Variants in IPO11 observed in about 807,000 individuals in gnomAD.
The protein encoded by IPO11 is importin-11.
In IPO11, 66 loss-of-function variants were observed where a neutral mutation model predicts 143.2. That is an observed-to-expected ratio of 0.46 (90% CI 0.38 to 0.57). The LOEUF (loss-of-function observed/expected upper bound fraction) is 0.57, where lower values mean the gene tolerates loss of function less well. IPO11 is among the 20% of genes least tolerant of loss of function. The probability of loss-of-function intolerance (pLI) is 0.00; values close to 1 mark genes in which losing one functional copy is unlikely to be tolerated. For missense variants in IPO11, 1,026 were observed against 1,141.0 expected, an observed-to-expected ratio of 0.90 and a Z score of 1.45; for synonymous variants, 385 against 377.8, an observed-to-expected ratio of 1.02 and a Z score of -0.22.
At position 62,439,723 on chromosome 5, in the gene IPO11, G is replaced by T. The variant is rs769734004; in HGVS notation, c.138+2306G>T. Reference sequence around the variant, plus strand: ...TTACCTGTAATTTTCTTCTTAGAGGGATATAACATTTCTTTTAGATGGAAC... The same window carrying T: ...TTACCTGTAATTTTCTTCTTAGAGGTATATAACATTTCTTTTAGATGGAAC... On this transcript the variant is annotated intron_variant, in intron 2 of 29. Coordinates refer to ENST00000325324, the MANE Select transcript of IPO11 (RefSeq NM_016338.5). Among the ~76,000 whole-genome samples the T allele has an allele frequency of 7.0e-4, 107 of 151,932 alleles. 2 individuals carry two copies. The highest frequency in any genetic ancestry group is 6.5e-4 in the Non-Finnish European group (44 of 68,006).
At chr5:62,624,617 T>C (rs1378073129) in intron 29 of IPO11, among the ~76,000 whole-genome samples, 2 of 152,140 alleles carry the variant, frequency 1.3e-5, no homozygotes, top group Non-Finnish European at 2.9e-5. Context: ...TCTCATCTTA[T>C]GACTTAGAAT....
At chr5:62,517,329 A>C (rs1561345323) in intron 20 of IPO11, among the ~76,000 whole-genome samples, 1 of 152,202 alleles carries the variant, frequency 6.6e-6, no homozygotes, top group South Asian at 2.1e-4. Context: ...CTATCTTGTG[A>C]ATGCATTTAT....
intron 27 of IPO11, among the ~76,000 whole-genome samples, chr5:62,582,191 A>G (rs1744593647): frequency 1.3e-5 from 2 of 152,202 alleles, no homozygotes; most frequent in Admixed American, 6.5e-5. Context: ...TTCTGGAAGG[A>G]ACAATAAAAC....
intron 27 of IPO11, chr5:62,581,492 A>G (rs1744563804): frequency 1.8e-6 from 1 of 541,462 alleles, no homozygotes; most frequent in Non-Finnish European, 3.2e-6. Flanking sequence ...TTTGATATAT[A>G]CTGTATTAAG....
At chr5:62,595,852 T>G (rs1367866770) in intron 28 of IPO11, among the ~76,000 whole-genome samples, 2 of 152,100 alleles carry the variant, frequency 1.3e-5, no homozygotes, top group Non-Finnish European at 1.5e-5. Flanking sequence ...TGCTTTCTGC[T>G]TGTCTGGTTA....
At chr5:62,437,161 T>G in intron 1 of IPO11, 113 bp from the exon 2 acceptor site, 1 of 699,958 alleles carries the variant, frequency 1.4e-6, no homozygotes, top group Non-Finnish European at 2.3e-6. Flanking sequence ...ACATGAAGGA[T>G]TAGATGAATG....
intron 3 of IPO11, among the ~76,000 whole-genome samples, chr5:62,449,379 T>C (rs1202452782): frequency 6.6e-6 from 1 of 152,238 alleles, no homozygotes; most frequent in Non-Finnish European, 1.5e-5. Flanking sequence ...TTTAAGCTAG[T>C]TGATTTCTGA....
At chr5:62,442,843 G>A (rs560167727) in intron 2 of IPO11, 140 bp from the exon 3 acceptor site, 6 of 461,418 alleles carry the variant, frequency 1.3e-5, no homozygotes, top group African/African-American at 2.1e-5. Context: ...CAGCCTGGGC[G>A]ACGAGAGTGA....
intron 7 of IPO11, among the ~76,000 whole-genome samples, chr5:62,470,889 G>T (rs1418248539): frequency 7.7e-6 from 1 of 130,482 alleles, no homozygotes; most frequent in African/African-American, 2.9e-5. Context: ...GTGCAGTGGT[G>T]CAGTCTTGGG....
intron 27 of IPO11, among the ~76,000 whole-genome samples, chr5:62,574,555 G>A (rs1296067880): frequency 2.0e-5 from 3 of 152,212 alleles, no homozygotes; most frequent in East Asian, 3.8e-4. Context: ...TTCATGTGGA[G>A]CCAGGGGAAA....
intron 11 of IPO11, among the ~76,000 whole-genome samples, chr5:62,485,051 C>A (rs57540488): frequency 0.021 from 3,262 of 152,052 alleles, 129 homozygotes; most frequent in African/African-American, 0.074. Flanking sequence ...TGTGAGTAAT[C>A]ATTGTACCTA....
intron 1 of IPO11, among the ~76,000 whole-genome samples, chr5:62,429,908 C>T (rs1743918718): frequency 6.6e-6 from 1 of 152,078 alleles, no homozygotes; most frequent in Non-Finnish European, 1.5e-5. Flanking sequence ...CAGGAATGAG[C>T]CACTGCGCCT....
intron 29 of IPO11, among the ~76,000 whole-genome samples, chr5:62,607,070 A>T (rs946494383): frequency 6.6e-6 from 1 of 152,094 alleles, no homozygotes; most frequent in Non-Finnish European, 1.5e-5. Context: ...CACTGTGAGG[A>T]TGGAATTGTC....
At chr5:62,504,634 A>G (rs1362973597) in intron 16 of IPO11, 33 bp from the exon 17 acceptor site, 11 of 1,297,208 alleles carry the variant, frequency 8.5e-6, no homozygotes, top group Non-Finnish European at 1.2e-5. Context: ...TCATTCTAAA[A>G]TAATTAAAAA....
At chr5:62,503,371 ACTAATATATTAATAGTATC>A (rs1741417760) in intron 16 of IPO11, among the ~76,000 whole-genome samples, 8 of 141,590 alleles carry the variant, frequency 5.7e-5, no homozygotes, top group African/African-American at 2.0e-4. Context: ...AATAGTATCT[ACTAATATATTAATAGTATC>A]TATTAATATA....
At position 62,591,595 on chromosome 5, in the gene IPO11, C is replaced by A. The variant is rs1382586043; in HGVS notation, c.2601C>A (p.Phe867Leu). The change falls in exon 28 of 30, where the codon TTC (phenylalanine) becomes TTA (leucine). Residue 867 changes from phenylalanine to leucine, a missense_variant. This residue lies in a region of IPO11 where 351 missense variants were observed against 358.9 expected (regional missense o/e 0.98). Coordinates refer to ENST00000325324, the MANE Select transcript of IPO11 (RefSeq NM_016338.5). ...PSDNSVIQDK[F>L]CGIINISVEG... ...ATTCTAGTGTTATCCAAGATAAATT[C>A]TGTGGGATTATAAACATTTCAGTAG... 1.9e-6 allele frequency: 3 copies of A among 1,599,186 alleles called. No individual in the cohort carries two copies. The highest frequency in any genetic ancestry group is 2.3e-5 in the East Asian group (1 of 44,092).
At position 62,487,631 on chromosome 5, in the gene IPO11, C is replaced by T. The variant is rs1232870029; in HGVS notation, c.1219-140C>T. ...TGGTTATAAAAAAATGGTAACCTTA[C>T]TTTTTTTTTTTAACAAATCAAAAGT... On this transcript the variant is annotated intron_variant, in intron 12 of 29. Transcript: ENST00000325324. The T allele has an allele frequency of 8.4e-5, 62 of 739,014 alleles. 1 individual carries two copies. The highest frequency in any genetic ancestry group is 1.1e-4 in the Non-Finnish European group (58 of 551,714). 45.8% of individuals were successfully genotyped at this position (739,014 alleles called of 1,614,324 possible). A position where few individuals can be genotyped will look rare whatever the true frequency, so the allele number is the denominator to read the frequency against.
intron 24 of IPO11, among the ~76,000 whole-genome samples, chr5:62,549,087 GTTT>G (rs1213614277): frequency 1.3e-5 from 2 of 150,474 alleles, no homozygotes; most frequent in African/African-American, 4.9e-5. Context: ...ATCTAGTTGT[GTTT>G]TTGTTTTTTG....
intron 20 of IPO11, among the ~76,000 whole-genome samples, chr5:62,519,591 T>G (rs1017107176): frequency 6.6e-6 from 1 of 152,236 alleles, no homozygotes; most frequent in African/African-American, 2.4e-5. Flanking sequence ...ATGTCATGAT[T>G]AATTTTATTT....
Sources: allele counts gnomAD v4.1 joint callset (sites outside exome capture counted in the v4.1 genomes callset), GRCh38; gene constraint gnomAD v4.1.1; regional missense constraint gnomAD v4.1.1; transcripts MANE v1.5; gene names NCBI Gene and HGNC (gene_info 2026-07-23, HGNC 2026-07-21).